TRIM36: variants seen among roughly 807,000 people sequenced by gnomAD.
TRIM36 encodes the protein E3 ubiquitin-protein ligase TRIM36.
In TRIM36, 42 loss-of-function variants were observed where a neutral mutation model predicts 72.4. That is an observed-to-expected ratio of 0.58 (90% confidence interval 0.45 to 0.75). TRIM36 has a LOEUF of 0.75. Ranked by LOEUF, TRIM36 falls within the 30% of genes least tolerant of loss-of-function variation. The probability of loss-of-function intolerance (pLI) is 0.00; values close to 1 mark genes in which losing one functional copy is unlikely to be tolerated. For missense variants in TRIM36, 913 were observed against 857.1 expected (o/e 1.07, Z -0.81); for synonymous variants, 315 against 282.8 (o/e 1.11, Z -1.14).
At chr5:115,159,209 G>A (rs890309322) in intron 2 of TRIM36, among the ~76,000 whole-genome samples, 1 of 152,070 alleles carries the variant, frequency 6.6e-6, no homozygotes, top group African/African-American at 2.4e-5. Flanking sequence ...TGTATAAAAC[G>A]AGCAAAGATA....
At position 115,126,401 on chromosome 5, in the gene TRIM36, G is replaced by A; in HGVS notation, c.*102C>T. 1.2e-6 allele frequency: 1 copy of A among 859,214 alleles called. No homozygotes were observed. The highest frequency in any genetic ancestry group is 1.7e-6 in the Non-Finnish European group (1 of 574,150). 53.2% of individuals were successfully genotyped at this position (859,214 alleles called of 1,614,324 possible). A position where few individuals can be genotyped will look rare whatever the true frequency, so the allele number is the denominator to read the frequency against. Reference sequence around the variant, plus strand: ...AGAAGAATCATACTCAAACACAAGTGGGGTGACAGAACACTCAGCGATATG... The same window carrying A: ...AGAAGAATCATACTCAAACACAAGTAGGGTGACAGAACACTCAGCGATATG... On this transcript the variant is annotated 3_prime_UTR_variant, in exon 10 of 10. Coordinates refer to ENST00000513154, the MANE Select transcript of TRIM36 (RefSeq NM_001300759.2).
chr5:115,164,289 T>G (rs1028295454), intron 1 of TRIM36, among the ~76,000 whole-genome samples: 3 of 152,196 alleles, frequency 2.0e-5, no homozygotes, highest in African/African-American at 7.2e-5. Flanking sequence ...CGACCATTCT[T>G]CATTAATGCC....
intron 2 of TRIM36, among the ~76,000 whole-genome samples, chr5:115,158,983 C>T (rs1361684477): frequency 6.6e-6 from 1 of 152,104 alleles, no homozygotes; most frequent in African/African-American, 2.4e-5. Context: ...GGTGGTATCA[C>T]CAGCATTCCA....
Position 115,137,086 on chromosome 5 carries a change from G to C in TRIM36, c.1124C>G (p.Pro375Arg). Residue 375 changes from proline to arginine, a missense_variant, in exon 7 of 10, where the codon CCT becomes CGT. By Grantham distance (103) the Pro-to-Arg change is moderately radical. Transcript: ENST00000513154. ...GTCTTCAAAAGAAGTCTGAGCTGCA[G>C]GTCTAAAGCTCTTCAAAGATTCTGT... The part of the protein sequence containing the change: ...KATESLKSFR[P>R]AAQTSFEDYV... The C allele has an allele frequency of 6.2e-7, 1 of 1,608,262 alleles. No individual in the cohort carries two copies. The highest frequency in any genetic ancestry group is 8.5e-7 in the Non-Finnish European group (1 of 1,178,224).
chr5:115,135,239 T>A (rs1561422533), intron 7 of TRIM36, among the ~76,000 whole-genome samples: 1 of 152,196 alleles, frequency 6.6e-6, no homozygotes, highest in Non-Finnish European at 1.5e-5. Context: ...CACACATTTA[T>A]GACAAATCAC....
chr5:115,140,768 G>T (rs1334357272), intron 5 of TRIM36, among the ~76,000 whole-genome samples: 2 of 152,054 alleles, frequency 1.3e-5, no homozygotes, highest in Non-Finnish European at 2.9e-5. Flanking sequence ...TTATTCTACT[G>T]TTAATGGGCA....
In TRIM36 at chr5:115,144,635, C is replaced by G; in HGVS notation, c.698G>C (p.Arg233Pro). 1 of 1,614,130 alleles carries G rather than the reference C, an allele frequency of 6.2e-7. No homozygotes were observed. Among genetic ancestry groups the G allele is most frequent in the Non-Finnish European group, 8.5e-7 (1 of 1,180,018 alleles). The change falls in exon 4 of 10, where the codon CGT (arginine) becomes CCT (proline). Residue 233 changes from arginine (R) to proline (P), a missense_variant. Physicochemically the swap from Arg to Pro is moderately radical, Grantham distance 103. Transcript: ENST00000513154. ...GTAGGCACTGCTCATAGTGGTTACA[C>G]GGTGGTTGGCATGATTACCACCCAA... ...CKLGGNHANHRVTTMSSAYKT... is the reference protein window; with the variant it reads ...CKLGGNHANHPVTTMSSAYKT...
chr5:115,141,234 TA>T, intron 5 of TRIM36, 44 bp downstream of exon 5: 2 of 1,346,304 alleles, frequency 1.5e-6, no homozygotes, highest in Non-Finnish European at 2.1e-6. Context: ...AATGTCTAGA[TA>T]AAATAACAAT....
intron 1 of TRIM36, among the ~76,000 whole-genome samples, chr5:115,168,593 T>C (rs1053980217): frequency 6.6e-6 from 1 of 152,236 alleles, no homozygotes; most frequent in Non-Finnish European, 1.5e-5. Flanking sequence ...TAGAGCCAAC[T>C]GGTTTTATCA....
At chr5:115,169,958 G>A (rs1341463993), upstream of TRIM36, 26 of 1,213,982 alleles carry the variant, frequency 2.1e-5, no homozygotes, top group East Asian at 3.8e-5. Context: ...CGCGGGGCGT[G>A]GACAGGGCGT....
chr5:115,154,906 G>A (rs1186810147), intron 2 of TRIM36, among the ~76,000 whole-genome samples: 4 of 152,032 alleles, frequency 2.6e-5, no homozygotes, highest in African/African-American at 7.3e-5. Context: ...CAGGCTGGGC[G>A]TGGTGGCTCA....
intron 7 of TRIM36, 29 bp from the exon 8 acceptor site, chr5:115,134,176 A>T (rs1195815054): frequency 6.6e-7 from 1 of 1,512,696 alleles, no homozygotes; most frequent in Non-Finnish European, 8.8e-7. Flanking sequence ...AGAAAACAAC[A>T]TTAAAATATT....
At chr5:115,169,951 G>GGGGCGTGGACA (rs905318823), upstream of TRIM36, 13 of 1,224,998 alleles carry the variant, frequency 1.1e-5, no homozygotes, top group Non-Finnish European at 1.2e-5. Flanking sequence ...GGGGCACCGC[G>GGGGCGTGGACA]GGGCGTGGAC....
intron 2 of TRIM36, chr5:115,149,556 T>A (rs533376863): frequency 1.1e-5 from 1 of 92,628 alleles, no homozygotes; most frequent in African/African-American, 4.7e-5. Flanking sequence ...CAGAATTGGG[T>A]CCTCAGAAAT....
At position 115,125,358 on chromosome 5, in the gene TRIM36, T is replaced by C. The variant is rs1752323081; in HGVS notation, c.*1145A>G. 6.6e-6 allele frequency: 1 copy of C among 152,086 alleles called. No individual in the cohort carries two copies. The highest frequency in any genetic ancestry group is 2.1e-4 in the South Asian group (1 of 4,824). The allele number at this position is 152,086 out of a possible 1,614,324, so 9.4% of individuals were successfully genotyped here. On this transcript the variant is annotated 3_prime_UTR_variant, in exon 10 of 10. Transcript: ENST00000513154. Reference sequence around the variant, plus strand: ...TGTAATTCCTCAAATTAAAAGATATTTTAAAGGGTACACAGTCATTGTGAT... The same window carrying C: ...TGTAATTCCTCAAATTAAAAGATATCTTAAAGGGTACACAGTCATTGTGAT...
intron 2 of TRIM36, 87 bp from the exon 3 acceptor site, chr5:115,147,481 T>C (rs1753656033): frequency 2.9e-6 from 4 of 1,373,608 alleles, no homozygotes; most frequent in Admixed American, 2.2e-5. Flanking sequence ...TAGAGACATA[T>C]CTACAAATGT....
chr5:115,158,550 T>C (rs776554020), intron 2 of TRIM36, among the ~76,000 whole-genome samples: 2 of 152,232 alleles, frequency 1.3e-5, no homozygotes, highest in African/African-American at 2.4e-5. Context: ...GGACAGTTCA[T>C]GAACTACCTC....
chr5:115,130,994 G>A (rs376959817), intron 8 of TRIM36, 105 bp from the exon 9 acceptor site: 15 of 1,313,514 alleles, frequency 1.1e-5, no homozygotes, highest in African/African-American at 5.9e-5. Context: ...GACAGGAAGC[G>A]GGAAGGAGGT....
chr5:115,131,362 T>A (rs1343419113), intron 8 of TRIM36, among the ~76,000 whole-genome samples: 1 of 152,134 alleles, frequency 6.6e-6, no homozygotes, highest in East Asian at 1.9e-4. Context: ...ATAAGAAACA[T>A]GGGACACTGT....
Sources: allele counts gnomAD v4.1 joint callset (sites outside exome capture counted in the v4.1 genomes callset), GRCh38; gene constraint gnomAD v4.1.1; transcripts MANE v1.5; gene names NCBI Gene and HGNC (gene_info 2026-07-23, HGNC 2026-07-21).